CYTH1: variants seen among roughly 807,000 people sequenced by gnomAD.
CYTH1 encodes cytohesin 1, also known as cytohesin-1.
A neutral mutation model predicts 61.8 loss-of-function variants in CYTH1; 18 were observed. The ratio of observed to expected loss-of-function variants is 0.29; its 90% confidence interval spans 0.20 to 0.43. CYTH1 has a LOEUF of 0.43. CYTH1 is among the 20% of genes least tolerant of loss of function. CYTH1 has a pLI of 1.00. For missense variants in CYTH1, 336 were observed against 510.5 expected (o/e 0.66, Z 3.29); for synonymous variants, 174 against 184.3 (o/e 0.94, Z 0.45).
intron 12 of CYTH1, among the ~76,000 whole-genome samples, chr17:78,680,770 A>G (rs573843874): frequency 6.6e-6 from 1 of 152,222 alleles, no homozygotes; most frequent in African/African-American, 2.4e-5. Flanking sequence ...GACATTCACT[A>G]AGTGAAACGA....
At chr17:78,677,775 A>ATCT (rs1280630474) in intron 13 of CYTH1, 1 of 152,252 alleles carries the variant, frequency 6.6e-6, no homozygotes, top group Non-Finnish European at 1.5e-5. Context: ...ACTGGGGAGG[A>ATCT]GGCATCCACC....
Position 78,700,542 on chromosome 17 carries a change from TG to T in CYTH1, c.438-100del. On this transcript the variant is annotated intron_variant, in intron 6 of 13. Coordinates refer to ENST00000446868, the MANE Select transcript of CYTH1 (RefSeq NM_004762.6). The surrounding 1 kb of genome is among the most constrained non-coding windows in gnomAD (Gnocchi z 5.1). ...ATGATTTTTTTTTTCTTTTTTTTTT[TG>T]AGATGGAGTCTCACTCTGTCACCCA... 2.2e-6 allele frequency: 2 copies of T among 926,824 alleles called. No individual in the cohort carries two copies. The highest frequency in any genetic ancestry group is 3.2e-6 in the Non-Finnish European group (2 of 627,358). The allele number at this position is 926,824 out of a possible 1,614,324, so 57.4% of individuals were successfully genotyped here.
chr17:78,750,727 G>A lies in CYTH1; in HGVS notation c.22+31475C>T, dbSNP rs369990185. Reference sequence around the variant, plus strand: ...CAGGCAGGGAGTATTGCTTGAACCCGGGAGGTGGAGGTTGCAGTGAGCCGA... The same window carrying A: ...CAGGCAGGGAGTATTGCTTGAACCCAGGAGGTGGAGGTTGCAGTGAGCCGA... On this transcript the variant is annotated intron_variant, in intron 1 of 13. Coordinates refer to ENST00000446868, the MANE Select transcript of CYTH1 (RefSeq NM_004762.6). Among the ~76,000 whole-genome samples, 75 of 149,862 alleles carry A rather than the reference G, an allele frequency of 5.0e-4. No individual in the cohort carries two copies. The East Asian group carries it at 0.013, about 26-fold the overall frequency.
At chr17:78,768,303 A>G (rs2093457048) in intron 1 of CYTH1, among the ~76,000 whole-genome samples, 1 of 152,064 alleles carries the variant, frequency 6.6e-6, no homozygotes, top group African/African-American at 2.4e-5. Flanking sequence ...CCAAGACGAC[A>G]TCCTTGGACT....
intron 1 of CYTH1, among the ~76,000 whole-genome samples, chr17:78,781,996 C>T (rs1429104217): frequency 6.6e-6 from 1 of 151,678 alleles, no homozygotes; most frequent in African/African-American, 2.4e-5. Flanking sequence ...GACCCCGGCC[C>T]CGGCGACCCT....
chr17:78,782,005 C>T (rs1377096471), intron 1 of CYTH1, among the ~76,000 whole-genome samples, 197 bp downstream of exon 1: 2 of 151,556 alleles, frequency 1.3e-5, no homozygotes, highest in East Asian at 2.0e-4. Context: ...CCCGGCGACC[C>T]TCATCCCTCA....
At chr17:78,767,578 G>T (rs1302297671) in intron 1 of CYTH1, among the ~76,000 whole-genome samples, 1 of 151,990 alleles carries the variant, frequency 6.6e-6, no homozygotes, top group East Asian at 1.9e-4. Context: ...CAAATGGATG[G>T]TTGAATAGAT....
chr17:78,701,638 C>A, intron 6 of CYTH1, 33 bp downstream of exon 6: 1 of 1,604,304 alleles, frequency 6.2e-7, no homozygotes, highest in Non-Finnish European at 8.5e-7. Context: ...GCCTCCCACT[C>A]CTTCCAAAGG....
At chr17:78,712,280 A>T (rs190503333) in intron 1 of CYTH1, among the ~76,000 whole-genome samples, 1 of 152,286 alleles carries the variant, frequency 6.6e-6, no homozygotes, top group East Asian at 1.9e-4. Context: ...TCTCCACCAT[A>T]CATAAAAGTA....
intron 1 of CYTH1, among the ~76,000 whole-genome samples, chr17:78,720,098 G>C (rs923964731): frequency 6.6e-6 from 1 of 152,256 alleles, no homozygotes. Flanking sequence ...GCTGGGGAGA[G>C]GGGGAGTGGG....
chr17:78,702,756 G>A (rs1327835374), intron 3 of CYTH1, 152 bp from the exon 4 acceptor site: 1 of 775,360 alleles, frequency 1.3e-6, no homozygotes, highest in Admixed American at 2.6e-5. Context: ...AAGGCCAACT[G>A]AAACCTGAAG....
rs1299950609 is a variant in CYTH1 at position 78,702,244 on chromosome 17, G to GA, written c.238-5dup. The GA allele has an allele frequency of 1.1e-5, 17 of 1,607,866 alleles. No homozygotes were observed. Among genetic ancestry groups the GA allele is most frequent in the Non-Finnish European group, 1.4e-5 (16 of 1,175,152 alleles). The stretch of plus-strand genomic sequence containing the variant: ...TCTCTATTAAGAACTGGATCCCCTA[G>GA]AAAAAGACAACAAAGACGCCAATGA... On this transcript the variant is annotated splice_region_variant and splice_polypyrimidine_tract_variant and intron_variant, in intron 4 of 13. Coordinates refer to ENST00000446868, the MANE Select transcript of CYTH1 (RefSeq NM_004762.6).
intron 1 of CYTH1, among the ~76,000 whole-genome samples, chr17:78,756,971 AT>A (rs1228537755): frequency 2.7e-5 from 4 of 148,424 alleles, no homozygotes; most frequent in African/African-American, 7.4e-5. Context: ...CAAGGTTTGA[AT>A]TTTTTTCTTT....
chr17:78,698,742 C>G, intron 8 of CYTH1, 78 bp downstream of exon 8: 2 of 1,443,100 alleles, frequency 1.4e-6, no homozygotes, highest in Non-Finnish European at 1.8e-6. Context: ...TATGTTTTTT[C>G]TTCCTTCCTA....
At chr17:78,760,422 TATAC>T (rs1167205769) in intron 1 of CYTH1, among the ~76,000 whole-genome samples, 64 of 77,898 alleles carry the variant, frequency 8.2e-4, no homozygotes, top group African/African-American at 2.8e-3. Flanking sequence ...TATATATATA[TATAC>T]ACATACATAT....
intron 1 of CYTH1, among the ~76,000 whole-genome samples, chr17:78,738,833 C>T (rs1228243526): frequency 2.0e-5 from 3 of 152,196 alleles, no homozygotes; most frequent in Admixed American, 6.5e-5. Flanking sequence ...GGGCAGGTCA[C>T]TTCTATTTTC....
chr17:78,751,863 G>A (rs759676251), intron 1 of CYTH1, among the ~76,000 whole-genome samples: 1 of 152,166 alleles, frequency 6.6e-6, no homozygotes, highest in African/African-American at 2.4e-5. Context: ...AGGCTGGAGT[G>A]CAGTGGCATG....
intron 1 of CYTH1, among the ~76,000 whole-genome samples, chr17:78,742,343 A>G (rs924590638): frequency 1.3e-5 from 2 of 152,312 alleles, no homozygotes; most frequent in Admixed American, 6.5e-5. Context: ...GAGAGGACTG[A>G]CTGAGCCCAG....
At chr17:78,751,136 G>T (rs1034172793) in intron 1 of CYTH1, among the ~76,000 whole-genome samples, 3 of 151,948 alleles carry the variant, frequency 2.0e-5, no homozygotes, top group Non-Finnish European at 4.4e-5. Context: ...GGCGCATGGC[G>T]GGGGGACATG....
Sources: allele counts gnomAD v4.1 joint callset (sites outside exome capture counted in the v4.1 genomes callset), GRCh38; gene constraint gnomAD v4.1.1; non-coding constraint Gnocchi (gnomAD v3.1); transcripts MANE v1.5; gene names NCBI Gene and HGNC (gene_info 2026-07-23, HGNC 2026-07-21).